The following FSIP2 variants were observed in gnomAD, a reference collection of about 807,000 sequenced individuals.
FSIP2 encodes fibrous sheath-interacting protein 2.
FSIP2 carries 367 observed loss-of-function variants against 510.5 expected under a neutral mutation model. That is an observed-to-expected ratio of 0.72 (90% CI 0.66 to 0.78). FSIP2 has a LOEUF of 0.78. FSIP2 is among the 30% of genes least tolerant of loss of function. The pLI is 0.00. For synonymous variants in FSIP2, 2,601 were observed against 2,732.2 expected (o/e 0.95, Z 1.50); for missense variants, 7,594 against 7,901.7 (o/e 0.96, Z 1.48).
chr2:185,793,682 T>C lies in FSIP2; in HGVS notation c.6546T>C (p.Ser2182=), dbSNP rs1358135719. Residue 2182 remains serine (S), a synonymous_variant, in exon 16 of 23, where the codon TCT becomes TCC. Coordinates refer to ENST00000424728, the MANE Select transcript of FSIP2 (RefSeq NM_173651.4). ...TLVINAKNPT[S]ARLPLTFCDT... ...TCATAAATGCAAAGAATCCTACTTC[T>C]GCAAGATTGCCCCTGACATTTTGTG... 7 of 1,534,848 alleles carry C rather than the reference T, an allele frequency of 4.6e-6. No individual in the cohort carries two copies. The South Asian group carries it at 8.3e-5, about 18-fold the overall frequency.
chr2:185,780,072 C>CA (rs555770165), intron 13 of FSIP2, among the ~76,000 whole-genome samples: 4,017 of 133,346 alleles, frequency 0.03, 139 homozygotes, highest in African/African-American at 0.09. Context: ...CACTCCATCT[C>CA]AAAAAAAAAA....
intron 13 of FSIP2, among the ~76,000 whole-genome samples, chr2:185,773,857 T>C (rs964898505): frequency 6.6e-6 from 1 of 152,238 alleles, no homozygotes; most frequent in African/African-American, 2.4e-5. Context: ...TGCTATGCTA[T>C]TGTTGAGTTT....
chr2:185,801,087 A>C lies in FSIP2; in HGVS notation c.11781A>C (p.Gln3927His), dbSNP rs999335841. 1.3e-6 allele frequency: 2 copies of C among 1,532,218 alleles called. No individual in the cohort carries two copies. Among genetic ancestry groups the C allele is most frequent in the Non-Finnish European group, 1.7e-6 (2 of 1,144,902 alleles). The allele number at this position is 1,532,218 out of a possible 1,614,324, so 94.9% of individuals were successfully genotyped here. The change falls in exon 17 of 23, where the codon CAA (glutamine) becomes CAC (histidine). Residue 3927 changes from glutamine to histidine, a missense_variant. By Grantham distance (24) the Gln-to-His change is conservative. Coordinates refer to ENST00000424728, the MANE Select transcript of FSIP2 (RefSeq NM_173651.4). ...NNPSVVSSKIQAPFNKHCAVK... is the reference protein window; with the variant it reads ...NNPSVVSSKIHAPFNKHCAVK... ...CCAGTGTGGTTAGCTCCAAAATACA[A>C]GCACCATTTAACAAGCATTGTGCAG...
At chr2:185,814,836 T>C (rs934231255) in intron 18 of FSIP2, among the ~76,000 whole-genome samples, 10 of 152,094 alleles carry the variant, frequency 6.6e-5, no homozygotes, top group African/African-American at 1.7e-4. Flanking sequence ...ATACAACTTT[T>C]AATTTTCTGA....
Position 185,801,079 on chromosome 2 carries a change from A to G in FSIP2, c.11773A>G (p.Lys3925Glu), listed in dbSNP as rs372062853. Residue 3925 changes from lysine (K) to glutamate (E), a missense_variant, in exon 17 of 23, where the codon AAA becomes GAA. Lys to Glu is a moderately conservative substitution (Grantham distance 56). Transcript: ENST00000424728. ...GAATAATCCCAGTGTGGTTAGCTCC[A>G]AAATACAAGCACCATTTAACAAGCA... ...SLNNPSVVSS[K>E]IQAPFNKHCA... 2.2e-4 allele frequency: 340 copies of G among 1,532,280 alleles called. 1 individual carries two copies. The highest frequency in any genetic ancestry group is 2.7e-4 in the Non-Finnish European group (306 of 1,144,940). 94.9% of individuals were successfully genotyped at this position (1,532,280 alleles called of 1,614,324 possible). A position where few individuals can be genotyped will look rare whatever the true frequency, so the allele number is the denominator to read the frequency against.
At chr2:185,787,178 ATTCT>A (rs1288686632) in intron 15 of FSIP2, among the ~76,000 whole-genome samples, 2 of 151,848 alleles carry the variant, frequency 1.3e-5, no homozygotes, top group East Asian at 3.9e-4. Flanking sequence ...TTTAGGTATG[ATTCT>A]TAAGTATTTG....
At chr2:185,826,614 G>A (rs556532306) in intron 20 of FSIP2, among the ~76,000 whole-genome samples, 1 of 151,700 alleles carries the variant, frequency 6.6e-6, no homozygotes, top group Non-Finnish European at 1.5e-5. Flanking sequence ...GTTATACTGT[G>A]TATTTTAACT....
intron 19 of FSIP2, among the ~76,000 whole-genome samples, chr2:185,818,227 A>C (rs961099363): frequency 6.6e-6 from 1 of 151,978 alleles, no homozygotes; most frequent in African/African-American, 2.4e-5. Flanking sequence ...GGAGAGACAG[A>C]AGAAACAATC....
At chr2:185,816,855 CAG>C (rs58545522) in intron 19 of FSIP2, among the ~76,000 whole-genome samples, 115,237 of 140,100 alleles carry the variant, frequency 0.82, 47,309 homozygotes, top group South Asian at 0.9. Context: ...AACTCTGAGA[CAG>C]AGAGAGAGAG....
At chr2:185,820,648 A>G (rs948336479) in intron 19 of FSIP2, among the ~76,000 whole-genome samples, 1 of 151,694 alleles carries the variant, frequency 6.6e-6, no homozygotes, top group Non-Finnish European at 1.5e-5. Context: ...TTCAAATTAC[A>G]ATGGGATAAA....
In FSIP2 at chr2:185,792,337, C is replaced by G. The variant is rs1183421331; in HGVS notation, c.5201C>G (p.Ala1734Gly). 1.3e-6 allele frequency: 2 copies of G among 1,527,934 alleles called. No homozygotes were observed. Among genetic ancestry groups the G allele is most frequent in the Admixed American group, 2.0e-5 (1 of 49,518 alleles). The allele number at this position is 1,527,934 out of a possible 1,614,324, so 94.6% of individuals were successfully genotyped here. A position where few individuals can be genotyped will look rare whatever the true frequency, so the allele number is the denominator to read the frequency against. Residue 1734 changes from alanine (A) to glycine (G), a missense_variant, in exon 16 of 23, where the codon GCG becomes GGG. Ala to Gly is a moderately conservative substitution (Grantham distance 60, BLOSUM62 0). Coordinates refer to ENST00000424728, the MANE Select transcript of FSIP2 (RefSeq NM_173651.4). ...DSFLEDDAYT[A>G]KKIIDERSPQ... ...TTTCTAGAAGATGATGCATATACAG[C>G]GAAAAAAATTATTGATGAGAGATCC...
Position 185,793,586 on chromosome 2 carries a change from A to G in FSIP2, c.6450A>G (p.Ser2150=), listed in dbSNP as rs150118360. The change falls in exon 16 of 23, where the codon TCA becomes TCG. Residue 2150 remains serine (S), a synonymous_variant. Transcript: ENST00000424728. Reference sequence around the variant, plus strand: ...TTCCTAAGCTTTCAGTTCCTAAATCAGATGTCATTTTGATATCCAATGATA... The same window carrying G: ...TTCCTAAGCTTTCAGTTCCTAAATCGGATGTCATTTTGATATCCAATGATA... ...KIIPKLSVPK[S]DVILISNDIV... The G allele has an allele frequency of 4.6e-6, 7 of 1,534,278 alleles. No individual in the cohort carries two copies. The African/African-American group carries it at 8.2e-5, about 18-fold the overall frequency.
At chr2:185,824,314 G>A (rs1423670183) in intron 19 of FSIP2, 120 bp from the exon 20 acceptor site, 1 of 691,208 alleles carries the variant, frequency 1.4e-6, no homozygotes, top group Non-Finnish European at 2.6e-6. Context: ...TGGAATCTCA[G>A]TGAATAGTAT....
Position 185,797,257 on chromosome 2 carries a change from A to T in FSIP2, c.10121A>T (p.Gln3374Leu), listed in dbSNP as rs1485387007. 6.5e-7 allele frequency: 1 copy of T among 1,534,764 alleles called. No individual in the cohort carries two copies. Among genetic ancestry groups the T allele is most frequent in the Non-Finnish European group, 8.7e-7 (1 of 1,146,182 alleles). Residue 3374 changes from glutamine to leucine, a missense_variant, in exon 16 of 23, where the codon CAA becomes CTA. Coordinates refer to ENST00000424728, the MANE Select transcript of FSIP2 (RefSeq NM_173651.4). ...TCTTTATCTGAAGTATCTGGAGGGC[A>T]AAAGGATAACGAAAAAAGTTTGCTT... ...QSSLSEVSGG[Q>L]KDNEKSLLRM...
Position 185,738,836 on chromosome 2 carries a change from G to C in FSIP2, c.-59G>C. The C allele has an allele frequency of 1.3e-6, 2 of 1,535,386 alleles. No homozygotes were observed. The highest frequency in any genetic ancestry group is 8.7e-7 in the Non-Finnish European group (1 of 1,146,414). ...GTCAGGTCCGGACAGAGGGACAACG[G>C]GGTGCTAGAGAAGGAGAGCGGGGCG... On this transcript the variant is annotated 5_prime_UTR_variant, in exon 1 of 23. Coordinates refer to ENST00000424728, the MANE Select transcript of FSIP2 (RefSeq NM_173651.4).
intron 13 of FSIP2, among the ~76,000 whole-genome samples, chr2:185,771,276 C>G (rs1245270528): frequency 6.6e-6 from 1 of 152,188 alleles, no homozygotes; most frequent in African/African-American, 2.4e-5. Context: ...GTGAGTTCTT[C>G]AATCCCACAT....
At chr2:185,747,866 T>G (rs1049421011) in intron 7 of FSIP2, among the ~76,000 whole-genome samples, 7 of 152,052 alleles carry the variant, frequency 4.6e-5, no homozygotes, top group Admixed American at 6.6e-5. Flanking sequence ...AACTTTTTAG[T>G]TCTCACATAT....
chr2:185,832,027 G>C, intron 22 of FSIP2, 145 bp downstream of exon 22: 1 of 618,126 alleles, frequency 1.6e-6, no homozygotes, highest in Admixed American at 2.7e-5. Context: ...TATTCTTACT[G>C]TTTGCATAAA....
chr2:185,794,537 A>C lies in FSIP2; in HGVS notation c.7401A>C (p.Glu2467Asp). 1 of 1,530,292 alleles carries C rather than the reference A, an allele frequency of 6.5e-7. No homozygotes were observed. The highest frequency in any genetic ancestry group is 8.7e-7 in the Non-Finnish European group (1 of 1,144,634). 94.8% of individuals were successfully genotyped at this position (1,530,292 alleles called of 1,614,324 possible). Residue 2467 changes from glutamate to aspartate, a missense_variant, in exon 16 of 23, where the codon GAA (glutamate) becomes GAC (aspartate). Transcript: ENST00000424728. ...AAAGGCAGATAATTGTTTTGGAAGA[A>C]ATATTTATGAGAAATGGAGAATCAA... ...ENKRQIIVLE[E>D]IFMRNGESKN...
Sources: allele counts gnomAD v4.1 joint callset (sites outside exome capture counted in the v4.1 genomes callset), GRCh38; gene constraint gnomAD v4.1.1; transcripts MANE v1.5; gene names NCBI Gene and HGNC (gene_info 2026-07-23, HGNC 2026-07-21).